The following NLE1 variants were observed in gnomAD, a reference collection of about 807,000 sequenced individuals.
NLE1 encodes the protein notchless homolog 1.
NLE1 carries 37 observed loss-of-function variants against 62.8 expected under a neutral mutation model. The observed-to-expected ratio is 0.59, with a 90% CI of 0.45 to 0.78. The LOEUF (loss-of-function observed/expected upper bound fraction) is 0.78. Among genes scored for constraint, NLE1 ranks in the 30% least tolerant of loss-of-function variants. The probability of loss-of-function intolerance (pLI) is 0.00; values close to 1 mark genes in which losing one functional copy is unlikely to be tolerated. For missense variants in NLE1, 555 were observed against 637.9 expected, an observed-to-expected ratio of 0.87 and a Z score of 1.40; for synonymous variants, 243 against 253.0, an observed-to-expected ratio of 0.96 and a Z score of 0.37.
Position 35,129,342 on chromosome 17 carries a change from C to G in NLE1, c.*3095G>C, listed in dbSNP as rs1246590828. The G allele has an allele frequency of 6.4e-7, 1 of 1,555,278 alleles. No individual in the cohort carries two copies. Among genetic ancestry groups the G allele is most frequent in the African/African-American group, 1.4e-5 (1 of 73,884 alleles). On this transcript the variant is annotated 3_prime_UTR_variant, in exon 13 of 13. Transcript: ENST00000442241. Reference sequence around the variant, plus strand: ...GGAGCAGGGGATGGGCATGGGACGTCCTGACCCCAGTTGGGAGGGTGAAGG... The same window carrying G: ...GGAGCAGGGGATGGGCATGGGACGTGCTGACCCCAGTTGGGAGGGTGAAGG...
At chr17:35,136,867 A>G (rs1331879632) in intron 7 of NLE1, 134 bp downstream of exon 7, 1 of 871,380 alleles carries the variant, frequency 1.1e-6, no homozygotes, top group Non-Finnish European at 1.8e-6. Flanking sequence ...CATTCCCAAA[A>G]CACCTCCCTA....
chr17:35,141,410 G>A (rs1254741932), intron 2 of NLE1, among the ~76,000 whole-genome samples: 1 of 152,104 alleles, frequency 6.6e-6, no homozygotes, highest in Non-Finnish European at 1.5e-5. Flanking sequence ...GCTGGGTGTG[G>A]TGGCGCGCGC....
chr17:35,140,726 G>GTCCC (rs919161628), intron 2 of NLE1, among the ~76,000 whole-genome samples: 1 of 152,094 alleles, frequency 6.6e-6, no homozygotes, highest in African/African-American at 2.4e-5. Flanking sequence ...GAGGAGCTGG[G>GTCCC]ACTACAGGCG....
chr17:35,133,344 C>G lies in NLE1; in HGVS notation c.1369G>C (p.Asp457His). ...TGCCTGAGGGTTGGCCCTACCTCAT[C>G]CGCGTGGCCGGGCAGGTCCATGGCC... ...KLAMDLPGHADEVYAVDWSPD... is the reference protein window; with the variant it reads ...KLAMDLPGHAHEVYAVDWSPD... Residue 457 changes from aspartate (D) to histidine (H), a missense_variant, in exon 11 of 13, where the codon GAT (aspartate) becomes CAT (histidine). Transcript: ENST00000442241. 1.9e-6 allele frequency: 3 copies of G among 1,614,212 alleles called. No homozygotes were observed. The highest frequency in any genetic ancestry group is 2.5e-6 in the Non-Finnish European group (3 of 1,180,048).
At chr17:35,139,729 C>G (rs2091930909) in intron 3 of NLE1, 120 bp downstream of exon 3, 1 of 1,398,324 alleles carries the variant, frequency 7.2e-7, no homozygotes, top group Non-Finnish European at 9.6e-7. Flanking sequence ...GAGTCCAGAG[C>G]TTGGGTCTAT....
At chr17:35,134,370 C>G (rs1320243127) in intron 10 of NLE1, among the ~76,000 whole-genome samples, 1 of 152,078 alleles carries the variant, frequency 6.6e-6, no homozygotes, top group Non-Finnish European at 1.5e-5. Context: ...GCAGCTAGCT[C>G]TAAGATCACT....
At chr17:35,133,634 C>T in intron 10 of NLE1, 136 bp from the exon 11 acceptor site, 1 of 779,034 alleles carries the variant, frequency 1.3e-6, no homozygotes, top group African/African-American at 1.7e-5. Flanking sequence ...TTTACAAAAT[C>T]ACACTGCCTG....
At position 35,133,215 on chromosome 17, in the gene NLE1, A is replaced by C. The variant is rs1028276023; in HGVS notation, c.1401T>G (p.Asp467Glu). Residue 467 changes from aspartate (D) to glutamate (E), a missense_variant, in exon 12 of 13, where the codon GAT (aspartate) becomes GAG (glutamate). By Grantham distance (45) the Asp-to-Glu change is conservative (BLOSUM62 2). Coordinates refer to ENST00000442241, the MANE Select transcript of NLE1 (RefSeq NM_018096.5). Reference protein sequence around the residue: ...DEVYAVDWSPDGQRVASGGKD... With the variant: ...DEVYAVDWSPEGQRVASGGKD... ...TCCCACCACTTGCCACTCTCTGGCC[A>C]TCTGGACTCCAGTCAACAGCATATA... 1.2e-6 allele frequency: 2 copies of C among 1,614,082 alleles called. No individual in the cohort carries two copies. The highest frequency in any genetic ancestry group is 1.7e-5 in the Admixed American group (1 of 60,004).
intron 2 of NLE1, among the ~76,000 whole-genome samples, chr17:35,140,599 T>G (rs1597895091): frequency 1.3e-4 from 1 of 7,652 alleles, no homozygotes; most frequent in Admixed American, 1.9e-3. Flanking sequence ...TTCTTTTTTC[T>G]TTTTTTTTTG....
chr17:35,139,821 C>T, intron 3 of NLE1, 28 bp downstream of exon 3: 1 of 1,604,488 alleles, frequency 6.2e-7, no homozygotes, highest in Non-Finnish European at 8.5e-7. Context: ...CCCACATACC[C>T]CCTCCATGAG....
intron 2 of NLE1, among the ~76,000 whole-genome samples, chr17:35,140,768 T>C (rs1312298020): frequency 6.6e-6 from 1 of 152,088 alleles, no homozygotes. Context: ...TTTTTGTATT[T>C]TCAGTAGAGA....
In NLE1 at chr17:35,128,867, C is replaced by T. The variant is rs536190052; in HGVS notation, c.*3570G>A. 9 of 175,126 alleles carry T rather than the reference C, an allele frequency of 5.1e-5. No homozygotes were observed. The highest frequency in any genetic ancestry group is 3.4e-4 in the South Asian group (2 of 5,890). The allele number at this position is 175,126 out of a possible 1,614,324, so 10.8% of individuals were successfully genotyped here. A position where few individuals can be genotyped will look rare whatever the true frequency, so the allele number is the denominator to read the frequency against. On this transcript the variant is annotated 3_prime_UTR_variant, in exon 13 of 13. Transcript: ENST00000442241. ...GAGCCCTGAGCTTGTTTTCCTGCAA[C>T]GAGAGGGTCCCATTTGGGGGTGATG...
chr17:35,133,079 G>T, intron 12 of NLE1, 92 bp downstream of exon 12: 3 of 1,273,826 alleles, frequency 2.4e-6, no homozygotes, highest in Non-Finnish European at 3.4e-6. Context: ...GGACGGCCCT[G>T]CGGAATTCTA....
intron 10 of NLE1, 49 bp from the exon 11 acceptor site, chr17:35,133,547 C>T: frequency 1.3e-6 from 2 of 1,543,664 alleles, no homozygotes; most frequent in South Asian, 1.2e-5. Context: ...TTACATCTTT[C>T]AACACGTCTG....
chr17:35,129,230 G>A lies in NLE1; in HGVS notation c.*3207C>T. On this transcript the variant is annotated 3_prime_UTR_variant, in exon 13 of 13. Coordinates refer to ENST00000442241, the MANE Select transcript of NLE1 (RefSeq NM_018096.5). ...CCCTAAAGTGGGTGGGGCTGCCCAGGAGAGTAGTACATGCTTCGGGGCAGG... is the reference window on the plus strand; with the variant it reads ...CCCTAAAGTGGGTGGGGCTGCCCAGAAGAGTAGTACATGCTTCGGGGCAGG... 1 of 699,024 alleles carries A rather than the reference G, an allele frequency of 1.4e-6. No homozygotes were observed. The highest frequency in any genetic ancestry group is 1.8e-5 in the South Asian group (1 of 55,424). The allele number at this position is 699,024 out of a possible 1,614,324, so 43.3% of individuals were successfully genotyped here. A position where few individuals can be genotyped will look rare whatever the true frequency, so the allele number is the denominator to read the frequency against.
At chr17:35,140,260 G>A (rs1019111717) in intron 2 of NLE1, among the ~76,000 whole-genome samples, 194 bp from the exon 3 acceptor site, 9 of 152,178 alleles carry the variant, frequency 5.9e-5, no homozygotes, top group East Asian at 1.9e-4. Context: ...CAAGAGTCTC[G>A]CTCTGTCACC....
rs1467203236 is a variant in NLE1, at chr17:35,133,365, T to C, written c.1348A>G (p.Met450Val). 1 of 1,614,054 alleles carries C rather than the reference T, an allele frequency of 6.2e-7. No homozygotes were observed. The highest frequency in any genetic ancestry group is 8.5e-7 in the Non-Finnish European group (1 of 1,180,044). ...VWDVKAQKLAMDLPGHADEVY... is the reference protein window; with the variant it reads ...VWDVKAQKLAVDLPGHADEVY... ...TCATCCGCGTGGCCGGGCAGGTCCA[T>C]GGCCAGCTTCTGGGCCTTCACATCC... Residue 450 changes from methionine to valine, a missense_variant, in exon 11 of 13, where the codon ATG becomes GTG. Coordinates refer to ENST00000442241, the MANE Select transcript of NLE1 (RefSeq NM_018096.5).
At chr17:35,136,897 C>T in intron 7 of NLE1, 104 bp downstream of exon 7, 2 of 1,105,904 alleles carry the variant, frequency 1.8e-6, no homozygotes, top group Middle Eastern at 2.3e-4. Context: ...TCCCAGCACA[C>T]ATCTGGGAAA....
At position 35,133,345 on chromosome 17, in the gene NLE1, C is replaced by T. The variant is rs757704824; in HGVS notation, c.1368G>A (p.Ala456=). The T allele has an allele frequency of 4.4e-5, 71 of 1,614,192 alleles. No homozygotes were observed. Among genetic ancestry groups the T allele is most frequent in the Middle Eastern group, 3.3e-4 (2 of 6,062 alleles). Residue 456 remains alanine, a synonymous_variant, in exon 11 of 13, where the codon GCG becomes GCA. Transcript: ENST00000442241. ...QKLAMDLPGH[A]DEVYAVDWSP... is the part of the protein sequence containing the mutation. ...GCCTGAGGGTTGGCCCTACCTCATC[C>T]GCGTGGCCGGGCAGGTCCATGGCCA...
Sources: allele counts gnomAD v4.1 joint callset (sites outside exome capture counted in the v4.1 genomes callset), GRCh38; gene constraint gnomAD v4.1.1; transcripts MANE v1.5; gene names NCBI Gene and HGNC (gene_info 2026-07-23, HGNC 2026-07-21).